PIK3R6: variants seen among roughly 807,000 people sequenced by gnomAD.
The protein encoded by PIK3R6 is phosphoinositide 3-kinase regulatory subunit 6.
In PIK3R6, 91 loss-of-function variants were observed where a neutral mutation model predicts 84.9. That is an observed-to-expected ratio of 1.07 (90% CI 0.90 to 1.28). PIK3R6 has a LOEUF of 1.28. PIK3R6 is among the 50% of genes most tolerant of loss of function. The pLI, the probability that PIK3R6 is intolerant of heterozygous loss-of-function variation, is 0.00. For missense variants in PIK3R6, 996 were observed against 985.1 expected (o/e 1.01, Z -0.15); for synonymous variants, 416 against 411.4 (o/e 1.01, Z -0.13).
intron 9 of PIK3R6, among the ~76,000 whole-genome samples, chr17:8,830,277 A>C (rs949013783): frequency 5.3e-5 from 8 of 152,146 alleles, no homozygotes; most frequent in African/African-American, 1.7e-4. Flanking sequence ...TCATCAACAA[A>C]GTTTGGGGGC....
Position 8,839,540 on chromosome 17 carries a change from G to T in PIK3R6, c.97+74C>A. The T allele has an allele frequency of 8.1e-7, 1 of 1,242,004 alleles. No homozygotes were observed. The highest frequency in any genetic ancestry group is 1.1e-6 in the Non-Finnish European group (1 of 882,214). 76.9% of individuals were successfully genotyped at this position (1,242,004 alleles called of 1,614,324 possible). On this transcript the variant is annotated intron_variant, in intron 3 of 19. Coordinates refer to ENST00000619866, the MANE Select transcript of PIK3R6 (RefSeq NM_001010855.4). This position sits in a 1 kb window ranked among gnomAD's most constrained non-coding sequence, Gnocchi z 4.2. ...GAGCTCCAGGCCGGGGCTCTTTCCTGTATGCGCGTGTATTGTTGGCTGGGG... is the reference window on the plus strand; with the variant it reads ...GAGCTCCAGGCCGGGGCTCTTTCCTTTATGCGCGTGTATTGTTGGCTGGGG...
At chr17:8,832,848 G>A (rs956345851) in intron 9 of PIK3R6, 41 bp downstream of exon 9, 2 of 1,611,052 alleles carry the variant, frequency 1.2e-6, no homozygotes, top group Non-Finnish European at 1.7e-6. Flanking sequence ...AGCTGCCCCC[G>A]CGGGACTCTT....
At chr17:8,834,779 C>T (rs972941651) in intron 8 of PIK3R6, among the ~76,000 whole-genome samples, 1 of 151,908 alleles carries the variant, frequency 6.6e-6, no homozygotes, top group African/African-American at 2.4e-5. Context: ...TTCCTGCTTT[C>T]GGGGCTGAGA....
chr17:8,832,614 G>C (rs2088286892), intron 9 of PIK3R6, among the ~76,000 whole-genome samples: 1 of 150,408 alleles, frequency 6.6e-6, no homozygotes, highest in African/African-American at 2.5e-5. Context: ...ATGTTGCCTA[G>C]GCTGGTCTCG....
At chr17:8,806,334 A>T (rs892326025) in intron 18 of PIK3R6, among the ~76,000 whole-genome samples, 4 of 152,196 alleles carry the variant, frequency 2.6e-5, no homozygotes, top group African/African-American at 9.6e-5. Flanking sequence ...CTTCTTTAGC[A>T]TCAGGCTGCT....
intron 2 of PIK3R6, among the ~76,000 whole-genome samples, chr17:8,846,829 G>A (rs2151291197): frequency 6.6e-6 from 1 of 152,184 alleles, no homozygotes; most frequent in African/African-American, 2.4e-5. Context: ...AAACTCCCCT[G>A]CAGTTAGATA....
intron 1 of PIK3R6, among the ~76,000 whole-genome samples, chr17:8,857,948 A>G (rs914915933): frequency 1.3e-5 from 2 of 151,508 alleles, no homozygotes; most frequent in Non-Finnish European, 2.9e-5. Flanking sequence ...AAACTTTACC[A>G]GTAACTGTCA....
intron 8 of PIK3R6, among the ~76,000 whole-genome samples, chr17:8,833,372 C>A (rs1265237988): frequency 6.6e-6 from 1 of 152,184 alleles, no homozygotes; most frequent in Non-Finnish European, 1.5e-5. Flanking sequence ...TTCTAGCCCC[C>A]ACTAGATTGT....
chr17:8,831,358 A>C (rs2088235361), intron 9 of PIK3R6, among the ~76,000 whole-genome samples: 9 of 143,616 alleles, frequency 6.3e-5, no homozygotes, highest in African/African-American at 8.0e-5. Context: ...AAAAAAAGGC[A>C]CAGGGCAAGT....
At chr17:8,848,419 A>G (rs2088862131) in intron 2 of PIK3R6, among the ~76,000 whole-genome samples, 1 of 151,492 alleles carries the variant, frequency 6.6e-6, no homozygotes, top group Admixed American at 6.6e-5. Context: ...TCACGGGGCA[A>G]TTTCATCATT....
Position 8,821,884 on chromosome 17 carries a change from C to G in PIK3R6, c.1841G>C (p.Gly614Ala), listed in dbSNP as rs750318866. The part of the protein sequence containing the change: ...REVTVSLRAT[G>A]LILKAIPASD... ...GGCTGGAATGGCCTTCAGGATCAGC[C>G]CAGTGGCCCGCAGGGAAACGGTGAC... is the stretch of plus-strand genomic sequence containing the variant. Residue 614 changes from glycine (G) to alanine (A), a missense_variant, in exon 17 of 20, where the codon GGG (glycine) becomes GCG (alanine). Coordinates refer to ENST00000619866, the MANE Select transcript of PIK3R6 (RefSeq NM_001010855.4). 1 of 1,597,876 alleles carries G rather than the reference C, an allele frequency of 6.3e-7. No homozygotes were observed. Among genetic ancestry groups the G allele is most frequent in the Non-Finnish European group, 8.5e-7 (1 of 1,172,164 alleles).
chr17:8,816,719 C>G (rs1248010993), intron 18 of PIK3R6, among the ~76,000 whole-genome samples: 1 of 152,044 alleles, frequency 6.6e-6, no homozygotes, highest in African/African-American at 2.4e-5. Flanking sequence ...AGAAACAAAA[C>G]AATGAAAAGT....
At chr17:8,847,278 C>T (rs1329997858) in intron 2 of PIK3R6, among the ~76,000 whole-genome samples, 1 of 152,132 alleles carries the variant, frequency 6.6e-6, no homozygotes, top group Non-Finnish European at 1.5e-5. Flanking sequence ...CCTCCTCCAG[C>T]CTACACCTGA....
Position 8,832,899 on chromosome 17 carries a change from C to T in PIK3R6, c.792G>A (p.Gly264=), listed in dbSNP as rs1485562579. The change falls in exon 9 of 20, where the codon GGG becomes GGA. Residue 264 remains glycine (G), a synonymous_variant. Transcript: ENST00000619866. ...CTGCCAGTCGCTTACCACCGCAGCG[C>T]CCCGCCGCGGGACCCAGCAGCGAGC... is the stretch of plus-strand genomic sequence containing the variant. ...IYCSLLGPAA[G]RCGGDLVQER... is the part of the protein sequence containing the mutation. The T allele has an allele frequency of 6.2e-7, 1 of 1,612,776 alleles. No homozygotes were observed. The highest frequency in any genetic ancestry group is 1.1e-5 in the South Asian group (1 of 91,080).
intron 2 of PIK3R6, among the ~76,000 whole-genome samples, chr17:8,840,379 A>G (rs2088636231): frequency 1.4e-5 from 2 of 139,822 alleles, no homozygotes; most frequent in Admixed American, 1.5e-4. Context: ...AAATATATAT[A>G]GCCTCCAAAT....
At position 8,836,817 on chromosome 17, in the gene PIK3R6, C is replaced by T. The variant is rs1372719081; in HGVS notation, c.365G>A (p.Arg122Lys). The change falls in exon 6 of 20, where the codon AGG (arginine) becomes AAG (lysine). Residue 122 changes from arginine (R) to lysine (K), a missense_variant. Coordinates refer to ENST00000619866, the MANE Select transcript of PIK3R6 (RefSeq NM_001010855.4). ...YCTVALDCAI[R>K]LKTEMAVPGT... is the part of the protein sequence containing the mutation. The stretch of plus-strand genomic sequence containing the variant: ...TGGGACAGCCATCTCCGTTTTCAGC[C>T]TTATCGCGCAGTCCAAGGCGACTGT... 12 of 1,605,318 alleles carry T rather than the reference C, an allele frequency of 7.5e-6. No individual in the cohort carries two copies. The highest frequency in any genetic ancestry group is 1.0e-5 in the Non-Finnish European group (12 of 1,175,802).
intron 8 of PIK3R6, among the ~76,000 whole-genome samples, chr17:8,834,089 G>A (rs921429457): frequency 3.3e-5 from 5 of 150,394 alleles, no homozygotes; most frequent in Admixed American, 6.6e-5. Context: ...CCCAGGAGGC[G>A]GAGCTTGCAG....
Position 8,828,788 on chromosome 17 carries a change from G to C in PIK3R6, c.1092C>G (p.Ala364=). The part of the protein sequence containing the change: ...PAPGSPEMER[A]GLQRKGGIKK... Reference sequence around the variant, plus strand: ...TGATGCCCCCTTTGCGCTGCAGCCCGGCTCGCTCCATCTCAGGGCTGCCGG... The same window carrying C: ...TGATGCCCCCTTTGCGCTGCAGCCCCGCTCGCTCCATCTCAGGGCTGCCGG... The change falls in exon 11 of 20, where the codon GCC becomes GCG. Residue 364 remains alanine, a synonymous_variant. Coordinates refer to ENST00000619866, the MANE Select transcript of PIK3R6 (RefSeq NM_001010855.4). 1 of 1,587,818 alleles carries C rather than the reference G, an allele frequency of 6.3e-7. No homozygotes were observed. The highest frequency in any genetic ancestry group is 8.6e-7 in the Non-Finnish European group (1 of 1,164,934).
chr17:8,803,943 G>T lies in PIK3R6; in HGVS notation c.2108+98C>A. On this transcript the variant is annotated intron_variant, in intron 19 of 19. Transcript: ENST00000619866. This position sits in a 1 kb window ranked among gnomAD's most constrained non-coding sequence, Gnocchi z 5.0. ...TGGCCACAGGATCTACCTCCGATGA[G>T]GTGCCTTGAGCTAGAGGCAGGAGAT... The T allele has an allele frequency of 9.5e-7, 1 of 1,049,076 alleles. No homozygotes were observed. Among genetic ancestry groups the T allele is most frequent in the Non-Finnish European group, 1.4e-6 (1 of 691,330 alleles). The allele number at this position is 1,049,076 out of a possible 1,614,324, so 65.0% of individuals were successfully genotyped here.
Sources: allele counts gnomAD v4.1 joint callset (sites outside exome capture counted in the v4.1 genomes callset), GRCh38; gene constraint gnomAD v4.1.1; non-coding constraint Gnocchi (gnomAD v3.1); transcripts MANE v1.5; gene names NCBI Gene and HGNC (gene_info 2026-07-23, HGNC 2026-07-21).